The following TMTC1 variants were observed in gnomAD, a reference collection of about 807,000 sequenced individuals.
TMTC1 encodes the protein transmembrane O-mannosyltransferase targeting cadherins 1, also known as protein O-mannosyl-transferase TMTC1.
A neutral mutation model predicts 104.8 loss-of-function variants in TMTC1; 73 were observed. The observed-to-expected ratio is 0.70, with a 90% CI of 0.58 to 0.85. The LOEUF (loss-of-function observed/expected upper bound fraction) is 0.85. Ranked by LOEUF, TMTC1 falls within the 40% of genes least tolerant of loss-of-function variation. The probability of loss-of-function intolerance (pLI) is 0.00; values close to 1 mark genes in which losing one functional copy is unlikely to be tolerated. For missense variants in TMTC1, 1,035 were observed against 1,096.1 expected, an observed-to-expected ratio of 0.94 and a Z score of 0.79; for synonymous variants, 434 against 428.7, an observed-to-expected ratio of 1.01 and a Z score of -0.15.
intron 10 of TMTC1, among the ~76,000 whole-genome samples, chr12:29,549,175 A>C (rs1230259239): frequency 6.6e-6 from 1 of 151,548 alleles, no homozygotes; most frequent in Non-Finnish European, 1.5e-5. Context: ...AAATGGATAA[A>C]CAAATTATCT....
chr12:29,763,224 C>T (rs1001638998), intron 2 of TMTC1, among the ~76,000 whole-genome samples: 1 of 152,162 alleles, frequency 6.6e-6, no homozygotes, highest in African/African-American at 2.4e-5. Context: ...ATGTAGTGTC[C>T]CTTGCAGGAG....
intron 11 of TMTC1, among the ~76,000 whole-genome samples, chr12:29,522,603 A>G (rs1944208590): frequency 6.6e-6 from 1 of 152,046 alleles, no homozygotes; most frequent in Non-Finnish European, 1.5e-5. Context: ...AGACAGGCAG[A>G]ACAGAAATTA....
intron 5 of TMTC1, among the ~76,000 whole-genome samples, chr12:29,633,811 T>C (rs1490707060): frequency 6.6e-6 from 1 of 152,172 alleles, no homozygotes; most frequent in African/African-American, 2.4e-5. Context: ...GGAGGGAAAC[T>C]GCAGGTGTCC....
intron 9 of TMTC1, among the ~76,000 whole-genome samples, chr12:29,557,884 C>T (rs1592229362): frequency 1.3e-5 from 2 of 152,134 alleles, no homozygotes; most frequent in Non-Finnish European, 2.9e-5. Flanking sequence ...TATCTCATTT[C>T]CCCCCTCCTA....
At chr12:29,775,963 T>A (rs1943697720) in intron 1 of TMTC1, among the ~76,000 whole-genome samples, 1 of 152,046 alleles carries the variant, frequency 6.6e-6, no homozygotes, top group Non-Finnish European at 1.5e-5. Flanking sequence ...TTCCAAGGGA[T>A]CAGAAGTTTC....
At chr12:29,759,048 G>A (rs1307145610) in intron 2 of TMTC1, among the ~76,000 whole-genome samples, 1 of 152,056 alleles carries the variant, frequency 6.6e-6, no homozygotes. Context: ...GTCAATTCAC[G>A]GCATCAAAAT....
At chr12:29,515,874 TA>T in intron 15 of TMTC1, among the ~76,000 whole-genome samples, 1 of 152,110 alleles carries the variant, frequency 6.6e-6, no homozygotes, top group Admixed American at 6.5e-5. Flanking sequence ...ATGTGACTTT[TA>T]AAATGGAGAT....
At chr12:29,736,480 C>T (rs1477210266) in intron 5 of TMTC1, among the ~76,000 whole-genome samples, 2 of 151,970 alleles carry the variant, frequency 1.3e-5, no homozygotes, top group Admixed American at 6.6e-5. Context: ...AGTGCAGTGG[C>T]GCGATCTGGG....
chr12:29,745,205 A>T (rs1942920321), intron 5 of TMTC1, among the ~76,000 whole-genome samples: 1 of 152,162 alleles, frequency 6.6e-6, no homozygotes, highest in African/African-American at 2.4e-5. Flanking sequence ...ATAGGAGGTC[A>T]TTTGCCTGCA....
At chr12:29,606,205 T>C (rs2136409841) in intron 6 of TMTC1, among the ~76,000 whole-genome samples, 1 of 152,320 alleles carries the variant, frequency 6.6e-6, no homozygotes, top group South Asian at 2.1e-4. Context: ...TAGAATGATT[T>C]TCCTTTGGGC....
intron 5 of TMTC1, chr12:29,659,732 T>C: frequency 1.7e-6 from 1 of 604,800 alleles, no homozygotes. Flanking sequence ...CAGCTTTATT[T>C]ATTGGAAACA....
At chr12:29,538,547 A>G (rs1410673179) in intron 10 of TMTC1, among the ~76,000 whole-genome samples, 2 of 151,734 alleles carry the variant, frequency 1.3e-5, no homozygotes, top group Admixed American at 6.6e-5. Context: ...AAAAAAACCC[A>G]TAACATCTTC....
intron 10 of TMTC1, among the ~76,000 whole-genome samples, chr12:29,538,036 G>T (rs1213651906): frequency 1.1e-4 from 17 of 152,106 alleles, no homozygotes; most frequent in Non-Finnish European, 1.5e-5. Flanking sequence ...TCTTATTAGG[G>T]TCTATCTAAC....
At chr12:29,718,253 T>C (rs1020580119) in intron 5 of TMTC1, among the ~76,000 whole-genome samples, 6 of 152,350 alleles carry the variant, frequency 3.9e-5, no homozygotes, top group Non-Finnish European at 5.9e-5. Context: ...AAAAGTTTCC[T>C]GTTTTTTGTG....
At chr12:29,745,913 C>A (rs2136956774) in intron 5 of TMTC1, among the ~76,000 whole-genome samples, 1 of 152,240 alleles carries the variant, frequency 6.6e-6, no homozygotes, top group South Asian at 2.1e-4. Flanking sequence ...CTAAAAACTA[C>A]ATCTAAAGAC....
chr12:29,560,047 C>T (rs1198584571), intron 9 of TMTC1, among the ~76,000 whole-genome samples: 1 of 152,134 alleles, frequency 6.6e-6, no homozygotes, highest in Non-Finnish European at 1.5e-5. Context: ...TTAGCTTGGG[C>T]CTAATTCAAT....
chr12:29,597,243 T>TC (rs1946433910), intron 7 of TMTC1, among the ~76,000 whole-genome samples: 1 of 97,456 alleles, frequency 1.0e-5, no homozygotes, highest in African/African-American at 5.6e-5. Context: ...CTTTTCTTTC[T>TC]TTTTTTTTTT....
At chr12:29,602,200 G>A (rs965407256) in intron 7 of TMTC1, among the ~76,000 whole-genome samples, 7 of 151,870 alleles carry the variant, frequency 4.6e-5, no homozygotes, top group African/African-American at 1.7e-4. Context: ...TGGAGTGCAG[G>A]GGCACGATCA....
In TMTC1 at chr12:29,783,407, G is replaced by A. The variant is rs1943881772; in HGVS notation, c.302+43C>T. The A allele has an allele frequency of 7.8e-7, 1 of 1,274,796 alleles. No individual in the cohort carries two copies. The highest frequency in any genetic ancestry group is 9.9e-7 in the Non-Finnish European group (1 of 1,007,740). The allele number at this position is 1,274,796 out of a possible 1,614,324, so 79.0% of individuals were successfully genotyped here. ...CTCCCGGTCCGAGGGACGGGCGGAG[G>A]GTAGAGGAGGCAGCGGCGGCTAGCG... On this transcript the variant is annotated intron_variant, in intron 1 of 17. Transcript: ENST00000539277. The surrounding 1 kb of genome is among the most constrained non-coding windows in gnomAD (Gnocchi z 4.7).
Sources: allele counts gnomAD v4.1 joint callset (sites outside exome capture counted in the v4.1 genomes callset), GRCh38; gene constraint gnomAD v4.1.1; non-coding constraint Gnocchi (gnomAD v3.1); transcripts MANE v1.5; gene names NCBI Gene and HGNC (gene_info 2026-07-23, HGNC 2026-07-21).